Variants in SEMA6D observed in about 807,000 individuals in gnomAD.
The protein encoded by SEMA6D is semaphorin 6D.
SEMA6D carries 35 observed loss-of-function variants against 106.6 expected under a neutral mutation model. The ratio of observed to expected loss-of-function variants is 0.33; its 90% CI spans 0.25 to 0.44. SEMA6D has a LOEUF of 0.44. Among genes scored for constraint, SEMA6D ranks in the 20% least tolerant of loss-of-function variants. The probability of loss-of-function intolerance (pLI) is 1.00; values close to 1 mark genes in which losing one functional copy is unlikely to be tolerated. For missense variants in SEMA6D, 1,185 were observed against 1,345.9 expected (o/e 0.88, Z 1.87); for synonymous variants, 499 against 487.7 (o/e 1.02, Z -0.31).
chr15:47,456,155 G>T (rs10467988), intron 2 of SEMA6D, among the ~76,000 whole-genome samples: 38,865 of 151,748 alleles, frequency 0.26, 5,088 homozygotes, highest in East Asian at 0.39. Flanking sequence ...ACCAAACAAG[G>T]TGTTGGAGGC....
At chr15:47,201,288 C>T (rs930193620) in intron 1 of SEMA6D, among the ~76,000 whole-genome samples, 11 of 152,172 alleles carry the variant, frequency 7.2e-5, no homozygotes, top group African/African-American at 2.2e-4. Context: ...ACATTACAGA[C>T]ATCTCTACCA....
intron 1 of SEMA6D, among the ~76,000 whole-genome samples, chr15:47,223,919 C>T (rs1394858810): frequency 1.3e-5 from 2 of 151,968 alleles, no homozygotes; most frequent in African/African-American, 2.4e-5. Flanking sequence ...GCAATAACTA[C>T]AGATTGTTTT....
chr15:47,762,841 G>T (rs1393589573), intron 8 of SEMA6D, among the ~76,000 whole-genome samples, 175 bp from the exon 9 acceptor site: 1 of 152,124 alleles, frequency 6.6e-6, no homozygotes, highest in African/African-American at 2.4e-5. Flanking sequence ...GAGATGACTG[G>T]TTCCCTGAAG....
At chr15:47,526,894 G>A (rs1465803706) in intron 3 of SEMA6D, among the ~76,000 whole-genome samples, 1 of 152,180 alleles carries the variant, frequency 6.6e-6, no homozygotes, top group Admixed American at 6.5e-5. Flanking sequence ...CTGCCACCAT[G>A]CCTGGCTAAT....
At chr15:47,657,709 G>A (rs1031932454) in intron 4 of SEMA6D, among the ~76,000 whole-genome samples, 3 of 122,618 alleles carry the variant, frequency 2.4e-5, no homozygotes, top group Non-Finnish European at 3.3e-5. Flanking sequence ...AGTGACAGAG[G>A]GCTTCATTTC....
intron 4 of SEMA6D, among the ~76,000 whole-genome samples, chr15:47,698,770 A>G (rs1372112906): frequency 6.6e-6 from 1 of 152,184 alleles, no homozygotes; most frequent in Non-Finnish European, 1.5e-5. Context: ...CTGCAGCCAC[A>G]GCATCTTTGT....
intron 2 of SEMA6D, among the ~76,000 whole-genome samples, chr15:47,450,339 G>T (rs1471125760): frequency 1.3e-5 from 2 of 151,936 alleles, no homozygotes; most frequent in Non-Finnish European, 2.9e-5. Context: ...GGAATGCAAT[G>T]CTCCCACCTC....
chr15:47,317,777 A>C (rs1034540163), intron 1 of SEMA6D, among the ~76,000 whole-genome samples: 6 of 152,056 alleles, frequency 3.9e-5, no homozygotes, highest in African/African-American at 1.4e-4. Context: ...GGCTACTTTC[A>C]AAATTTTTTC....
At chr15:47,512,351 A>T (rs2044258413) in intron 3 of SEMA6D, among the ~76,000 whole-genome samples, 1 of 152,222 alleles carries the variant, frequency 6.6e-6, no homozygotes, top group Admixed American at 6.5e-5. Flanking sequence ...ATGTGTGATC[A>T]TGATAGAGAA....
chr15:47,269,957 G>C (rs868563226), intron 1 of SEMA6D, among the ~76,000 whole-genome samples: 1 of 151,556 alleles, frequency 6.6e-6, no homozygotes, highest in African/African-American at 2.4e-5. Context: ...GCAACTACAA[G>C]TCAGTTTGAG....
chr15:47,567,477 C>T (rs1029859830), intron 3 of SEMA6D, among the ~76,000 whole-genome samples: 1 of 152,100 alleles, frequency 6.6e-6, no homozygotes, highest in Non-Finnish European at 1.5e-5. Context: ...TTCTTTCTTC[C>T]TCATTATCTT....
chr15:47,441,027 C>T (rs542362702), intron 2 of SEMA6D, among the ~76,000 whole-genome samples: 1 of 152,182 alleles, frequency 6.6e-6, no homozygotes, highest in Non-Finnish European at 1.5e-5. Context: ...TTACCATTCC[C>T]CTGACATTCC....
chr15:47,600,502 G>C (rs1442281448), intron 3 of SEMA6D, among the ~76,000 whole-genome samples: 1 of 152,016 alleles, frequency 6.6e-6, no homozygotes, highest in Non-Finnish European at 1.5e-5. Context: ...AGACATAGCT[G>C]ACCAGAGATC....
intron 3 of SEMA6D, among the ~76,000 whole-genome samples, chr15:47,598,130 C>G (rs965013482): frequency 2.0e-5 from 3 of 151,908 alleles, no homozygotes; most frequent in African/African-American, 7.2e-5. Context: ...ACCACCACCT[C>G]TTTGTTCCAA....
At chr15:47,407,567 T>C (rs947792347) in intron 1 of SEMA6D, among the ~76,000 whole-genome samples, 3 of 152,166 alleles carry the variant, frequency 2.0e-5, no homozygotes, top group African/African-American at 4.8e-5. Flanking sequence ...GTATTGTTAC[T>C]GAGGAGCAGA....
At chr15:47,460,203 T>C (rs572112466) in intron 2 of SEMA6D, among the ~76,000 whole-genome samples, 2 of 152,206 alleles carry the variant, frequency 1.3e-5, no homozygotes, top group African/African-American at 2.4e-5. Context: ...TATTTAGAAA[T>C]TATTTAGAAT....
intron 1 of SEMA6D, among the ~76,000 whole-genome samples, chr15:47,364,178 A>G (rs281271): frequency 0.99 from 151,046 of 152,326 alleles, 74,908 homozygotes; most frequent in East Asian, 1. Flanking sequence ...TGTTCATCGT[A>G]TTAATCCTAG....
intron 3 of SEMA6D, among the ~76,000 whole-genome samples, chr15:47,478,673 G>A (rs35148809): frequency 0.017 from 2,595 of 152,244 alleles, 42 homozygotes; most frequent in Non-Finnish European, 0.023. Context: ...CAGAACTTTA[G>A]CAAGGATTGA....
intron 1 of SEMA6D, among the ~76,000 whole-genome samples, chr15:47,227,472 TTCTC>T (rs1215453564): frequency 8.5e-6 from 1 of 117,414 alleles, no homozygotes; most frequent in African/African-American, 3.7e-5. Context: ...TTCTTTTTCT[TTCTC>T]TTTCTTTTTC....
Sources: gnomAD v4.1 joint callset for allele counts (sites outside exome capture counted in the v4.1 genomes callset) on GRCh38, gnomAD v4.1.1 for gene constraint, MANE v1.5 for transcripts, NCBI Gene and HGNC (gene_info 2026-07-23, HGNC 2026-07-21) for gene names.